The following PDE1C variants were observed in gnomAD, a reference collection of about 807,000 sequenced individuals.
PDE1C encodes phosphodiesterase 1C.
Under a neutral mutation model 93.1 loss-of-function variants are expected in PDE1C, and 62 were observed. The observed-to-expected ratio is 0.67, with a 90% CI of 0.54 to 0.82. The LOEUF is 0.82. PDE1C is among the 40% of genes least tolerant of loss of function. PDE1C has a pLI of 0.00. For missense variants in PDE1C, 742 were observed against 884.6 expected, an observed-to-expected ratio of 0.84 and a Z score of 2.04; for synonymous variants, 325 against 310.1, an observed-to-expected ratio of 1.05 and a Z score of -0.50.
At chr7:31,898,846 A>T (rs535898142) in intron 2 of PDE1C, among the ~76,000 whole-genome samples, 49 of 152,142 alleles carry the variant, frequency 3.2e-4, no homozygotes, top group Non-Finnish European at 6.8e-4. Context: ...TTTTTGTCTC[A>T]TTTTTGTAAT....
intron 1 of PDE1C, among the ~76,000 whole-genome samples, chr7:32,210,267 T>C (rs1805902137): frequency 6.6e-6 from 1 of 152,224 alleles, no homozygotes; most frequent in African/African-American, 2.4e-5. Flanking sequence ...TCATTTTAAA[T>C]ACCATGTTTC....
At chr7:31,881,682 T>A (rs1226903408) in intron 2 of PDE1C, among the ~76,000 whole-genome samples, 1 of 152,164 alleles carries the variant, frequency 6.6e-6, no homozygotes, top group African/African-American at 2.4e-5. Context: ...GAAGACGAAC[T>A]GGGGTTTGAA....
At chr7:31,732,682 G>GTGTGTGTGA in the PDE1C span, among the ~76,000 whole-genome samples, 1 of 143,828 alleles carries the variant, frequency 7.0e-6, no homozygotes, top group Admixed American at 7.1e-5. Context: ...GTGTGTGACT[G>GTGTGTGTGA]GTCTGCTTCT....
intron 1 of PDE1C, among the ~76,000 whole-genome samples, chr7:32,369,239 C>T (rs215710): frequency 0.9 from 136,869 of 152,194 alleles, 62,542 homozygotes; most frequent in East Asian, 1. Flanking sequence ...TGCAAACTAC[C>T]CATCCATCCA....
At chr7:31,826,917 G>GT (rs1789755142) in intron 12 of PDE1C, among the ~76,000 whole-genome samples, 1 of 152,166 alleles carries the variant, frequency 6.6e-6, no homozygotes, top group African/African-American at 2.4e-5. Context: ...CCACTAAAGT[G>GT]CTAAAGCAGC....
At chr7:31,872,619 T>C (rs558587188) in intron 6 of PDE1C, among the ~76,000 whole-genome samples, 1 of 152,238 alleles carries the variant, frequency 6.6e-6, no homozygotes, top group East Asian at 1.9e-4. Flanking sequence ...AAAAGACTTG[T>C]GTTTTCCAGA....
chr7:32,316,106 G>C (rs1783165267), intron 1 of PDE1C, among the ~76,000 whole-genome samples: 1 of 152,198 alleles, frequency 6.6e-6, no homozygotes, highest in African/African-American at 2.4e-5. Flanking sequence ...TAAACCTCAT[G>C]AGGGCTGTGT....
At chr7:32,290,766 T>C (rs2128896878) in intron 1 of PDE1C, among the ~76,000 whole-genome samples, 1 of 152,200 alleles carries the variant, frequency 6.6e-6, no homozygotes, top group East Asian at 1.9e-4. Flanking sequence ...GCTGAGGAAA[T>C]GGGAACACAT....
At chr7:32,026,671 C>G (rs565600017) in intron 2 of PDE1C, among the ~76,000 whole-genome samples, 1 of 152,094 alleles carries the variant, frequency 6.6e-6, no homozygotes, top group Admixed American at 6.6e-5. Flanking sequence ...ATCATATATT[C>G]CTTGGAATTT....
chr7:32,101,803 G>C (rs1254606881), intron 3 of PDE1C, among the ~76,000 whole-genome samples: 2 of 152,134 alleles, frequency 1.3e-5, no homozygotes, highest in Non-Finnish European at 2.9e-5. Flanking sequence ...AAGTAGTGGG[G>C]CATTTCTATA....
chr7:32,076,185 G>C (rs901605336), upstream of PDE1C, among the ~76,000 whole-genome samples: 1 of 152,288 alleles, frequency 6.6e-6, no homozygotes, highest in Non-Finnish European at 1.5e-5. Flanking sequence ...GGTCCAGGGG[G>C]TGATATGTGA....
the PDE1C span, among the ~76,000 whole-genome samples, chr7:31,686,331 C>T: frequency 6.6e-6 from 1 of 152,166 alleles, no homozygotes; most frequent in Non-Finnish European, 1.5e-5. Context: ...AACATAGAAC[C>T]TTCCTCTCCA....
intron 17 of PDE1C, among the ~76,000 whole-genome samples, chr7:31,754,269 T>G (rs1794308027): frequency 6.6e-6 from 1 of 152,224 alleles, no homozygotes; most frequent in Admixed American, 6.5e-5. Flanking sequence ...TAATGGGAAC[T>G]CCCATTCTTG....
intron 2 of PDE1C, among the ~76,000 whole-genome samples, chr7:32,193,085 T>C (rs140345616): frequency 2.0e-5 from 3 of 152,306 alleles, no homozygotes; most frequent in Admixed American, 1.3e-4. Flanking sequence ...TAGATAACCA[T>C]GTCATCTGCA....
At chr7:32,079,545 G>A (rs893400822) in intron 3 of PDE1C, among the ~76,000 whole-genome samples, 4 of 152,154 alleles carry the variant, frequency 2.6e-5, no homozygotes, top group Admixed American at 2.0e-4. Flanking sequence ...CTTGTTTGGG[G>A]TCTGCCATGC....
chr7:31,693,221 A>G, the PDE1C span, among the ~76,000 whole-genome samples: 1 of 152,176 alleles, frequency 6.6e-6, no homozygotes, highest in Non-Finnish European at 1.5e-5. Flanking sequence ...CAATTGAAGT[A>G]AAAGTCAAAA....
At chr7:31,772,985 G>A (rs79956241) in intron 17 of PDE1C, among the ~76,000 whole-genome samples, 2,721 of 152,282 alleles carry the variant, frequency 0.018, 83 homozygotes, top group African/African-American at 0.061. Flanking sequence ...AGGCAGGAAG[G>A]GAAGTAGAGA....
chr7:32,013,976 T>C (rs1248359521), intron 2 of PDE1C, among the ~76,000 whole-genome samples: 1 of 152,184 alleles, frequency 6.6e-6, no homozygotes, highest in African/African-American at 2.4e-5. Context: ...AACTTAAAGC[T>C]CTTTTACATA....
chr7:32,285,194 A>G (rs1811922302), intron 1 of PDE1C, among the ~76,000 whole-genome samples: 1 of 152,210 alleles, frequency 6.6e-6, no homozygotes, highest in Non-Finnish European at 1.5e-5. Flanking sequence ...TTTGAGAACC[A>G]CTGACGTGGC....
Sources: allele counts gnomAD v4.1 joint callset (sites outside exome capture counted in the v4.1 genomes callset), GRCh38; gene constraint gnomAD v4.1.1; transcripts MANE v1.5; gene names NCBI Gene and HGNC (gene_info 2026-07-23, HGNC 2026-07-21).